The following DNAJC13 variants were observed in gnomAD, a reference collection of about 807,000 sequenced individuals.
DNAJC13 encodes the protein dnaJ homolog subfamily C member 13.
DNAJC13 carries 75 observed loss-of-function variants against 290.5 expected under a neutral mutation model. The observed-to-expected ratio is 0.26, with a 90% confidence interval of 0.21 to 0.31. The LOEUF is 0.31. Ranked by LOEUF, DNAJC13 falls within the 10% of genes least tolerant of loss-of-function variation. The probability of loss-of-function intolerance (pLI) is 1.00; values close to 1 mark genes in which losing one functional copy is unlikely to be tolerated. For synonymous variants in DNAJC13, 862 were observed against 892.0 expected (o/e 0.97, Z 0.60); for missense variants, 2,260 against 2,674.5 (o/e 0.85, Z 3.42).
At chr3:132,496,420 A>T (rs1425164646) in intron 35 of DNAJC13, 108 bp from the exon 36 acceptor site, 1 of 1,076,426 alleles carries the variant, frequency 9.3e-7, no homozygotes, top group African/African-American at 1.6e-5. Context: ...TAATATAAAC[A>T]ATAAAATAAT....
At chr3:132,459,708 T>A (rs1468313758) in intron 13 of DNAJC13, among the ~76,000 whole-genome samples, 1 of 152,172 alleles carries the variant, frequency 6.6e-6, no homozygotes, top group African/African-American at 2.4e-5. Context: ...ATCATAGTAA[T>A]GTTACATAAA....
At chr3:132,516,624 A>C in intron 47 of DNAJC13, 80 bp from the exon 48 acceptor site, 1 of 1,520,628 alleles carries the variant, frequency 6.6e-7, no homozygotes, top group Non-Finnish European at 9.0e-7. Flanking sequence ...AACTACATTC[A>C]GTTGAAATAT....
chr3:132,479,084 G>A, intron 24 of DNAJC13, 143 bp from the exon 25 acceptor site: 1 of 524,106 alleles, frequency 1.9e-6, no homozygotes, highest in Non-Finnish European at 3.4e-6. Flanking sequence ...TGCAATAATT[G>A]ACAGATTTCT....
intron 54 of DNAJC13, among the ~76,000 whole-genome samples, chr3:132,529,348 GTTA>G (rs1482093656): frequency 6.6e-6 from 1 of 152,092 alleles, no homozygotes; most frequent in Non-Finnish European, 1.5e-5. Flanking sequence ...GGACATTTGG[GTTA>G]TTTCCCCTAC....
At chr3:132,528,872 C>T (rs924974664) in intron 54 of DNAJC13, among the ~76,000 whole-genome samples, 4 of 151,916 alleles carry the variant, frequency 2.6e-5, no homozygotes, top group Admixed American at 2.6e-4. Context: ...TAATTTTCCT[C>T]ATTGGTTTTA....
chr3:132,463,909 C>T, intron 17 of DNAJC13, 92 bp downstream of exon 17: 1 of 1,358,632 alleles, frequency 7.4e-7, no homozygotes, highest in East Asian at 2.5e-5. Context: ...TTGTATTACA[C>T]AAATAATACA....
intron 1 of DNAJC13, among the ~76,000 whole-genome samples, chr3:132,425,918 T>A (rs1438492209): frequency 6.6e-6 from 1 of 152,164 alleles, no homozygotes; most frequent in Non-Finnish European, 1.5e-5. Flanking sequence ...TTGAGTCCCT[T>A]CATCTTGCTT....
At position 132,538,394 on chromosome 3, in the gene DNAJC13, T is replaced by G. The variant is rs1335209373; in HGVS notation, c.*112T>G. 2.8e-6 allele frequency: 2 copies of G among 718,854 alleles called. No homozygotes were observed. Among genetic ancestry groups the G allele is most frequent in the African/African-American group, 1.8e-5 (1 of 55,600 alleles). 44.5% of individuals were successfully genotyped at this position (718,854 alleles called of 1,614,324 possible). ...CTTTCTCCTGGTTTCATGACAGTGT[T>G]ATTCCTTTTTCTATAAATATATTTT... On this transcript the variant is annotated 3_prime_UTR_variant, in exon 56 of 56. Transcript: ENST00000260818.
intron 2 of DNAJC13, among the ~76,000 whole-genome samples, chr3:132,443,717 G>A (rs1255088612): frequency 2.0e-5 from 3 of 152,140 alleles, no homozygotes; most frequent in African/African-American, 4.8e-5. Flanking sequence ...GGCATGGGGA[G>A]TACTTAAGGA....
intron 29 of DNAJC13, among the ~76,000 whole-genome samples, chr3:132,486,253 G>A (rs990449865): frequency 6.6e-6 from 1 of 151,852 alleles, no homozygotes; most frequent in African/African-American, 2.4e-5. Flanking sequence ...TTCCTGTGGG[G>A]CCATGTGGCT....
chr3:132,463,407 T>C (rs953471586), intron 16 of DNAJC13, among the ~76,000 whole-genome samples: 1 of 152,228 alleles, frequency 6.6e-6, no homozygotes, highest in African/African-American at 2.4e-5. Flanking sequence ...CTCCTTTTTG[T>C]TGGCAGCTAT....
At chr3:132,513,327 G>T (rs1372939903) in intron 45 of DNAJC13, among the ~76,000 whole-genome samples, 4 of 152,084 alleles carry the variant, frequency 2.6e-5, no homozygotes, top group Admixed American at 2.0e-4. Context: ...TCTGTTATGC[G>T]TTAGGGCTTG....
chr3:132,471,634 C>T (rs1482357813), intron 20 of DNAJC13, among the ~76,000 whole-genome samples: 1 of 135,304 alleles, frequency 7.4e-6, no homozygotes. Flanking sequence ...GCGCTCCCCA[C>T]ATCTCAGACG....
In DNAJC13 at chr3:132,467,326, T is replaced by C; in HGVS notation, c.2208+13T>C. The C allele has an allele frequency of 6.2e-7, 1 of 1,611,280 alleles. No individual in the cohort carries two copies. Among genetic ancestry groups the C allele is most frequent in the Admixed American group, 1.7e-5 (1 of 59,770 alleles). On this transcript the variant is annotated intron_variant, in intron 20 of 55. Transcript: ENST00000260818. ...TGCTCAAAAAGAGGTAAAAATAAAA[T>C]TTGCTTCCAAATTCCTGGCACTTCT...
intron 55 of DNAJC13, among the ~76,000 whole-genome samples, chr3:132,532,130 G>A (rs929951093): frequency 6.6e-6 from 1 of 152,150 alleles, no homozygotes; most frequent in African/African-American, 2.4e-5. Flanking sequence ...GCCTGAAATT[G>A]TAGTATATAA....
chr3:132,478,915 A>G (rs1934565452), intron 24 of DNAJC13, among the ~76,000 whole-genome samples: 1 of 152,154 alleles, frequency 6.6e-6, no homozygotes, highest in Non-Finnish European at 1.5e-5. Flanking sequence ...TTCAAGTATC[A>G]TTTGGACCAA....
At chr3:132,429,438 C>T (rs936443889) in intron 1 of DNAJC13, among the ~76,000 whole-genome samples, 1 of 152,110 alleles carries the variant, frequency 6.6e-6, no homozygotes, top group Non-Finnish European at 1.5e-5. Context: ...AGTGATTTAT[C>T]AGTTTTCTTG....
At chr3:132,516,954 T>G in intron 48 of DNAJC13, 138 bp downstream of exon 48, 1 of 710,322 alleles carries the variant, frequency 1.4e-6, no homozygotes, top group Non-Finnish European at 2.3e-6. Context: ...AAAATTCACA[T>G]TCCGGGAATT....
chr3:132,532,403 A>C (rs770528690), intron 55 of DNAJC13, among the ~76,000 whole-genome samples: 37 of 152,186 alleles, frequency 2.4e-4, no homozygotes, highest in Non-Finnish European at 4.7e-4. Context: ...AAGTTGGAGC[A>C]GAGTCCTAAA....
Sources: allele counts gnomAD v4.1 joint callset (sites outside exome capture counted in the v4.1 genomes callset), GRCh38; gene constraint gnomAD v4.1.1; transcripts MANE v1.5; gene names NCBI Gene and HGNC (gene_info 2026-07-23, HGNC 2026-07-21).